CADM2: variants seen among roughly 807,000 people sequenced by gnomAD.
CADM2 encodes the protein cell adhesion molecule 2.
In CADM2, 12 loss-of-function variants were observed where a neutral mutation model predicts 49.8. The ratio of observed to expected loss-of-function variants is 0.24; its 90% CI spans 0.15 to 0.39. The LOEUF is 0.39. Among genes scored for constraint, CADM2 ranks in the 10% least tolerant of loss-of-function variants. The probability of loss-of-function intolerance (pLI) is 1.00; values close to 1 mark genes in which losing one functional copy is unlikely to be tolerated. For missense variants in CADM2, 378 were observed against 492.3 expected (o/e 0.77, Z 2.20); for synonymous variants, 214 against 175.4 (o/e 1.22, Z -1.74).
At chr3:85,222,183 G>C (rs779332029) in intron 1 of CADM2, among the ~76,000 whole-genome samples, 1 of 152,144 alleles carries the variant, frequency 6.6e-6, no homozygotes, top group Non-Finnish European at 1.5e-5. Context: ...ACCAGCGTGA[G>C]AATACGTCTG....
chr3:85,226,607 T>TTG (rs542665032), intron 1 of CADM2, among the ~76,000 whole-genome samples: 30 of 152,102 alleles, frequency 2.0e-4, no homozygotes, highest in African/African-American at 7.2e-4. Context: ...GTTTTTTTTT[T>TTG]TGTGTGTGTG....
chr3:85,183,308 A>G (rs1035552193), intron 1 of CADM2, among the ~76,000 whole-genome samples: 1 of 152,172 alleles, frequency 6.6e-6, no homozygotes, highest in South Asian at 2.1e-4. Flanking sequence ...GCCAGCAAAG[A>G]TAAAAATAGA....
chr3:85,450,224 A>G (rs2037691332), intron 1 of CADM2, among the ~76,000 whole-genome samples: 1 of 152,116 alleles, frequency 6.6e-6, no homozygotes, highest in African/African-American at 2.4e-5. Flanking sequence ...TTTTTTTTTA[A>G]TTGTCACATA....
At chr3:85,785,524 G>A (rs1048964248) in intron 2 of CADM2, among the ~76,000 whole-genome samples, 1 of 151,788 alleles carries the variant, frequency 6.6e-6, no homozygotes, top group East Asian at 1.9e-4. Context: ...ACAATTCTAG[G>A]TTTCATGGAT....
At chr3:85,786,878 G>A (rs949101026) in intron 2 of CADM2, among the ~76,000 whole-genome samples, 1 of 152,034 alleles carries the variant, frequency 6.6e-6, no homozygotes, top group African/African-American at 2.4e-5. Context: ...AGTCAAAGGA[G>A]AAGTTGTATT....
At chr3:85,746,187 A>G (rs2068613414) in intron 2 of CADM2, among the ~76,000 whole-genome samples, 1 of 152,204 alleles carries the variant, frequency 6.6e-6, no homozygotes, top group Non-Finnish European at 1.5e-5. Flanking sequence ...ATGGCAATCC[A>G]GTAATAACAT....
chr3:85,667,545 G>T (rs951311558), intron 1 of CADM2, among the ~76,000 whole-genome samples: 1 of 151,976 alleles, frequency 6.6e-6, no homozygotes, highest in Non-Finnish European at 1.5e-5. Flanking sequence ...ACTCCTCTTT[G>T]ATTGGAGAAC....
chr3:85,194,246 TG>T, intron 1 of CADM2, among the ~76,000 whole-genome samples: 1 of 152,092 alleles, frequency 6.6e-6, no homozygotes, highest in South Asian at 2.1e-4. Flanking sequence ...AGAGAGAGTG[TG>T]GGGCAGGATG....
intron 3 of CADM2, among the ~76,000 whole-genome samples, chr3:85,812,282 GA>G (rs932062006): frequency 6.6e-6 from 1 of 151,576 alleles, no homozygotes; most frequent in African/African-American, 2.4e-5. Context: ...CATGAGTCTA[GA>G]AAAAAAATAA....
intron 1 of CADM2, among the ~76,000 whole-genome samples, chr3:85,335,566 T>G (rs76288354): frequency 6.6e-6 from 1 of 151,468 alleles, no homozygotes; most frequent in Non-Finnish European, 1.5e-5. Context: ...CTTTTTTTTT[T>G]GTTGAGGACA....
chr3:85,474,527 C>G (rs1371865186), intron 1 of CADM2, among the ~76,000 whole-genome samples: 1 of 151,814 alleles, frequency 6.6e-6, no homozygotes, highest in Non-Finnish European at 1.5e-5. Flanking sequence ...ATAGCTGGGC[C>G]CCATGGTGCA....
chr3:85,073,671 T>C (rs965582558), intron 1 of CADM2, among the ~76,000 whole-genome samples: 6 of 152,112 alleles, frequency 3.9e-5, no homozygotes, highest in Non-Finnish European at 7.4e-5. Flanking sequence ...ACAGATGAAA[T>C]TATGCTTAAT....
chr3:84,986,258 C>G (rs1395579832), intron 1 of CADM2, among the ~76,000 whole-genome samples: 1 of 152,170 alleles, frequency 6.6e-6, no homozygotes, highest in African/African-American at 2.4e-5. Flanking sequence ...ACTCGACTTG[C>G]TGAATACTTA....
chr3:85,217,259 C>T (rs2041948038), intron 1 of CADM2, among the ~76,000 whole-genome samples: 1 of 151,604 alleles, frequency 6.6e-6, no homozygotes, highest in Admixed American at 6.6e-5. Flanking sequence ...TAAGCATTTA[C>T]TGATGTTTGT....
chr3:85,706,752 G>A (rs759097500), intron 1 of CADM2, among the ~76,000 whole-genome samples: 1 of 151,948 alleles, frequency 6.6e-6, no homozygotes, highest in Non-Finnish European at 1.5e-5. Context: ...AAAATAATAA[G>A]CAAAAAGTCA....
intron 3 of CADM2, among the ~76,000 whole-genome samples, chr3:85,879,067 A>G (rs1348153702): frequency 6.7e-6 from 1 of 150,360 alleles, no homozygotes; most frequent in African/African-American, 2.4e-5. Context: ...TTAAAATTAT[A>G]TATAAATACA....
At chr3:85,558,370 T>G (rs11918716) in intron 1 of CADM2, among the ~76,000 whole-genome samples, 4,421 of 152,036 alleles carry the variant, frequency 0.029, 206 homozygotes, top group African/African-American at 0.1. Context: ...AAGTAGAAAA[T>G]AAATAGTAAT....
intron 1 of CADM2, among the ~76,000 whole-genome samples, chr3:85,406,892 T>C (rs920049231): frequency 2.0e-5 from 3 of 152,124 alleles, no homozygotes; most frequent in Non-Finnish European, 2.9e-5. Context: ...AGACATTATT[T>C]GAAGAATTAA....
chr3:85,979,132 G>T (rs771654871), intron 8 of CADM2: 5 of 1,599,568 alleles, frequency 3.1e-6, no homozygotes, highest in Non-Finnish European at 4.3e-6. Flanking sequence ...TGCATGATAT[G>T]ATTTTGTTTA....
Sources: gnomAD v4.1 joint callset for allele counts (sites outside exome capture counted in the v4.1 genomes callset) on GRCh38, gnomAD v4.1.1 for gene constraint, MANE v1.5 for transcripts, NCBI Gene and HGNC (gene_info 2026-07-23, HGNC 2026-07-21) for gene names.